TPD52L1: variants seen among roughly 807,000 people sequenced by gnomAD.
TPD52L1 encodes the protein tumor protein D53.
TPD52L1 carries 18 observed loss-of-function variants against 28.7 expected under a neutral mutation model. That is an observed-to-expected ratio of 0.63 (90% CI 0.43 to 0.93). The LOEUF (loss-of-function observed/expected upper bound fraction) is 0.93, where lower values mean the gene tolerates loss of function less well. Among genes scored for constraint, TPD52L1 ranks in the 40% least tolerant of loss-of-function variants. TPD52L1 has a pLI of 0.00. For synonymous variants in TPD52L1, 75 were observed against 88.8 expected, an observed-to-expected ratio of 0.84 and a Z score of 0.88; for missense variants, 203 against 254.8, an observed-to-expected ratio of 0.80 and a Z score of 1.39.
chr6:125,174,744 A>G (rs895399688), intron 1 of TPD52L1, among the ~76,000 whole-genome samples: 8 of 152,204 alleles, frequency 5.3e-5, no homozygotes, highest in Admixed American at 1.3e-4. Flanking sequence ...AAATGCCAGC[A>G]GTGCTTACCT....
intron 1 of TPD52L1, among the ~76,000 whole-genome samples, chr6:125,205,235 T>C (rs1794044985): frequency 6.6e-6 from 1 of 152,222 alleles, no homozygotes; most frequent in Non-Finnish European, 1.5e-5. Flanking sequence ...CCTTGGAATA[T>C]GATATGTCTC....
intron 2 of TPD52L1, among the ~76,000 whole-genome samples, chr6:125,226,852 T>G (rs1451598209): frequency 1.3e-5 from 2 of 152,038 alleles, no homozygotes; most frequent in Admixed American, 6.6e-5. Context: ...GGAGGACACA[T>G]TGACAAAGAT....
At chr6:125,157,337 T>A (rs533177677) in intron 1 of TPD52L1, among the ~76,000 whole-genome samples, 1 of 152,352 alleles carries the variant, frequency 6.6e-6, no homozygotes, top group South Asian at 2.1e-4. Flanking sequence ...CACTAGAAAC[T>A]TTCCCATAAG....
intron 6 of TPD52L1, chr6:125,260,968 GAAAGAAAGAAAAGAAA>G (rs1797934917): frequency 2.2e-5 from 1 of 44,580 alleles, no homozygotes; most frequent in African/African-American, 1.9e-4. Context: ...AAGAAAGAAA[GAAAGAAAGAAAAGAAA>G]AGAAAGAAAG....
At chr6:125,241,552 T>C (rs969131211) in intron 3 of TPD52L1, among the ~76,000 whole-genome samples, 26 of 151,968 alleles carry the variant, frequency 1.7e-4, no homozygotes, top group African/African-American at 5.8e-4. Context: ...TCTAGGAGGG[T>C]TGTATTGATA....
chr6:125,172,530 A>ATATATATAT (rs1554202643), intron 1 of TPD52L1, among the ~76,000 whole-genome samples: 10 of 86,678 alleles, frequency 1.2e-4, no homozygotes, highest in Non-Finnish European at 1.9e-4. Flanking sequence ...ATATATATAT[A>ATATATATAT]TATATATATA....
At chr6:125,154,895 ACT>A (rs1479475323) in intron 1 of TPD52L1, among the ~76,000 whole-genome samples, 6 of 151,834 alleles carry the variant, frequency 4.0e-5, no homozygotes, top group Admixed American at 6.6e-5. Flanking sequence ...ACAGTAGGAA[ACT>A]CTGTGTTGGC....
intron 1 of TPD52L1, among the ~76,000 whole-genome samples, chr6:125,207,561 T>C (rs1167118707): frequency 6.6e-6 from 1 of 152,262 alleles, no homozygotes; most frequent in African/African-American, 2.4e-5. Context: ...TGTCTCTTTC[T>C]AGAGCAGAAG....
chr6:125,201,169 G>C (rs1470114089), intron 1 of TPD52L1, among the ~76,000 whole-genome samples: 1 of 152,110 alleles, frequency 6.6e-6, no homozygotes, highest in African/African-American at 2.4e-5. Context: ...AAGAAGGCAG[G>C]AGATTTTTGT....
intron 1 of TPD52L1, among the ~76,000 whole-genome samples, chr6:125,196,050 TTGG>T (rs1793417971): frequency 6.6e-6 from 1 of 152,142 alleles, no homozygotes; most frequent in East Asian, 1.9e-4. Context: ...GGTTTTGACA[TTGG>T]CTGCCCATCA....
chr6:125,230,567 T>C (rs1795890017), intron 3 of TPD52L1, among the ~76,000 whole-genome samples: 1 of 152,126 alleles, frequency 6.6e-6, no homozygotes, highest in Non-Finnish European at 1.5e-5. Flanking sequence ...CAGCAATTAT[T>C]TCAGTTTTGC....
intron 1 of TPD52L1, chr6:125,208,996 A>C: frequency 1.0e-6 from 1 of 966,308 alleles, no homozygotes; most frequent in Non-Finnish European, 1.2e-6. Context: ...CTGTCTTCAG[A>C]GTCTCAAAAT....
chr6:125,254,582 G>C (rs886232225), intron 5 of TPD52L1, among the ~76,000 whole-genome samples: 2 of 151,970 alleles, frequency 1.3e-5, no homozygotes, highest in African/African-American at 4.8e-5. Flanking sequence ...CCCCACTTCA[G>C]TCAGAGCTAT....
At chr6:125,168,722 T>C (rs1791079379) in intron 1 of TPD52L1, among the ~76,000 whole-genome samples, 1 of 152,138 alleles carries the variant, frequency 6.6e-6, no homozygotes, top group Non-Finnish European at 1.5e-5. Flanking sequence ...TTCACCATGT[T>C]GGCCAGGATG....
chr6:125,220,109 A>G lies in TPD52L1; in HGVS notation c.51A>G (p.Thr17=), dbSNP rs148355405. The G allele has an allele frequency of 1.4e-5, 23 of 1,613,884 alleles. No homozygotes were observed. In the East Asian group the frequency reaches 3.6e-4, roughly 25 times the overall value. Residue 17 remains threonine (T), a synonymous_variant, in exon 2 of 7, where the codon ACA becomes ACG. Transcript: ENST00000534000. ...TGGAGACTGAACCGTTGCAAGGAACAGACGAAGATGCAGTAGCCAGTGCTG... is the reference window on the plus strand; with the variant it reads ...TGGAGACTGAACCGTTGCAAGGAACGGACGAAGATGCAGTAGCCAGTGCTG... The part of the protein sequence containing the change: ...GLLETEPLQG[T]DEDAVASADF...
At chr6:125,236,601 C>A (rs375712510) in intron 3 of TPD52L1, among the ~76,000 whole-genome samples, 10 of 152,252 alleles carry the variant, frequency 6.6e-5, no homozygotes, top group African/African-American at 2.4e-4. Flanking sequence ...TGTAAGAATT[C>A]TTGAAGAAAT....
At chr6:125,228,953 T>A (rs1157790112) in intron 2 of TPD52L1, 165 bp from the exon 3 acceptor site, 2 of 489,666 alleles carry the variant, frequency 4.1e-6, no homozygotes, top group Non-Finnish European at 7.0e-6. Flanking sequence ...TGTTTCTACT[T>A]TGAGATATTA....
chr6:125,194,023 G>GTT (rs3040726), intron 1 of TPD52L1, among the ~76,000 whole-genome samples: 16 of 124,062 alleles, frequency 1.3e-4, no homozygotes, highest in South Asian at 2.6e-4. Flanking sequence ...CTTCTGAATA[G>GTT]TTTTTTTTTT....
At chr6:125,260,310 A>T (rs934607304) in intron 6 of TPD52L1, 16 of 152,252 alleles carry the variant, frequency 1.1e-4, no homozygotes, top group Admixed American at 9.8e-4. Context: ...CAGTGTTAAG[A>T]TAACAGAGGG....
Sources: allele counts gnomAD v4.1 joint callset (sites outside exome capture counted in the v4.1 genomes callset), GRCh38; gene constraint gnomAD v4.1.1; transcripts MANE v1.5; gene names NCBI Gene and HGNC (gene_info 2026-07-23, HGNC 2026-07-21).